The following DNAH8 variants were observed in gnomAD, a reference collection of about 807,000 sequenced individuals.
DNAH8 encodes the protein axonemal beta dynein heavy chain 8.
In DNAH8, 382 loss-of-function variants were observed where a neutral mutation model predicts 562.1. The observed-to-expected ratio is 0.68, with a 90% CI of 0.63 to 0.74. The LOEUF is 0.74. Among genes scored for constraint, DNAH8 ranks in the 30% least tolerant of loss-of-function variants. The probability of loss-of-function intolerance (pLI) is 0.00; values close to 1 mark genes in which losing one functional copy is unlikely to be tolerated. For synonymous variants in DNAH8, 1,881 were observed against 1,919.4 expected, an observed-to-expected ratio of 0.98 and a Z score of 0.52; for missense variants, 5,203 against 5,620.4, an observed-to-expected ratio of 0.93 and a Z score of 2.37.
intron 89 of DNAH8, among the ~76,000 whole-genome samples, chr6:39,010,380 G>A (rs1245034060): frequency 6.6e-6 from 1 of 152,042 alleles, no homozygotes; most frequent in Non-Finnish European, 1.5e-5. Context: ...ATACTACCTG[G>A]TCCCAGAAAC....
chr6:38,738,027 C>T (rs1430646096), intron 7 of DNAH8, 55 bp downstream of exon 7: 8 of 1,547,404 alleles, frequency 5.2e-6, no homozygotes, highest in Non-Finnish European at 6.2e-6. Flanking sequence ...TGCATCCTAG[C>T]CATTGTATTT....
intron 54 of DNAH8, 100 bp from the exon 55 acceptor site, chr6:38,883,222 T>G: frequency 7.2e-7 from 1 of 1,383,274 alleles, no homozygotes; most frequent in South Asian, 1.6e-5. Flanking sequence ...TATTAAAAAT[T>G]AGTTGTATTA....
At chr6:38,976,135 G>C (rs563351246) in intron 85 of DNAH8, among the ~76,000 whole-genome samples, 331 of 152,318 alleles carry the variant, frequency 2.2e-3, no homozygotes, top group Non-Finnish European at 3.7e-3. Context: ...AAATAATAGA[G>C]GGCTAGAAAT....
In DNAH8 at chr6:38,723,025, T is replaced by A; in HGVS notation, c.216T>A (p.Val72=). Residue 72 remains valine, a synonymous_variant, in exon 2 of 93, where the codon GTT becomes GTA. Coordinates refer to ENST00000327475, the MANE Select transcript of DNAH8 (RefSeq NM_001206927.2). ...TCATTCCTTCTGAAGAAGGGATAGT[T>A]CTTCCAGATGATCATGAAGCGGATC... ...RDLIPSEEGI[V]LPDDHEADLN... 1.9e-6 allele frequency: 3 copies of A among 1,612,914 alleles called. No individual in the cohort carries two copies. Among genetic ancestry groups the A allele is most frequent in the Non-Finnish European group, 2.5e-6 (3 of 1,179,896 alleles).
chr6:38,991,777 C>T (rs138383440), intron 88 of DNAH8, among the ~76,000 whole-genome samples: 7 of 152,292 alleles, frequency 4.6e-5, no homozygotes, highest in Admixed American at 2.0e-4. Flanking sequence ...TCCCTGGAAC[C>T]TCCCTCCTCC....
intron 24 of DNAH8, among the ~76,000 whole-genome samples, chr6:38,809,769 A>G (rs1771629160): frequency 6.6e-6 from 1 of 152,156 alleles, no homozygotes; most frequent in Admixed American, 6.5e-5. Context: ...TTGTGGATTT[A>G]TTAAACTTTC....
chr6:38,719,243 T>C (rs1762565154), intron 1 of DNAH8, among the ~76,000 whole-genome samples: 1 of 152,204 alleles, frequency 6.6e-6, no homozygotes, highest in Non-Finnish European at 1.5e-5. Context: ...TTCTGACTTT[T>C]ATTTTGGATT....
At chr6:38,914,923 G>A (rs1490973070) in intron 67 of DNAH8, among the ~76,000 whole-genome samples, 1 of 151,914 alleles carries the variant, frequency 6.6e-6, no homozygotes, top group Non-Finnish European at 1.5e-5. Context: ...TAATTTTCTA[G>A]AAATTTGTAG....
chr6:38,860,177 A>G (rs1205413450), intron 42 of DNAH8, among the ~76,000 whole-genome samples: 1 of 151,992 alleles, frequency 6.6e-6, no homozygotes, highest in Non-Finnish European at 1.5e-5. Flanking sequence ...CCTGCTCCAT[A>G]TATTCATGAG....
chr6:38,945,744 G>C (rs1761354498), intron 80 of DNAH8, among the ~76,000 whole-genome samples, 156 bp downstream of exon 80: 1 of 152,180 alleles, frequency 6.6e-6, no homozygotes, highest in African/African-American at 2.4e-5. Flanking sequence ...GAGAGATCTT[G>C]GACAGATGGA....
At chr6:38,932,525 A>G (rs1157374236) in intron 76 of DNAH8, among the ~76,000 whole-genome samples, 3 of 152,236 alleles carry the variant, frequency 2.0e-5, no homozygotes, top group African/African-American at 7.2e-5. Context: ...AGACTGATAC[A>G]AGATTAAACT....
rs989585491 is a variant in DNAH8 at position 38,790,802 on chromosome 6, G to A, written c.2781+397G>A. On this transcript the variant is annotated intron_variant, in intron 20 of 92. Transcript: ENST00000327475. ...CATGCCATTGCACTCCAACCTGGGCGACAGGGCAAGACTCCGTCTAAAAAA... is the reference window on the plus strand; with the variant it reads ...CATGCCATTGCACTCCAACCTGGGCAACAGGGCAAGACTCCGTCTAAAAAA... Among the ~76,000 whole-genome samples the A allele has an allele frequency of 8.6e-5, 13 of 150,736 alleles. No individual in the cohort carries two copies. The East Asian group carries it at 9.7e-4, about 11-fold the overall frequency.
At chr6:39,003,700 G>A (rs1046961848) in intron 88 of DNAH8, among the ~76,000 whole-genome samples, 1 of 151,952 alleles carries the variant, frequency 6.6e-6, no homozygotes, top group Non-Finnish European at 1.5e-5. Context: ...AGCTACATCA[G>A]CATTTTTATT....
chr6:38,807,853 G>A, intron 24 of DNAH8, 137 bp downstream of exon 24: 1 of 411,248 alleles, frequency 2.4e-6, no homozygotes, highest in African/African-American at 2.1e-5. Flanking sequence ...AAGTATTTGT[G>A]TAATACTGCA....
intron 11 of DNAH8, 112 bp from the exon 12 acceptor site, chr6:38,770,301 A>C (rs1472265627): frequency 3.6e-6 from 2 of 562,934 alleles, no homozygotes; most frequent in Non-Finnish European, 5.9e-6. Context: ...AAAAAAAACT[A>C]TACAGATTTT....
intron 29 of DNAH8, among the ~76,000 whole-genome samples, chr6:38,826,595 A>C (rs935743990): frequency 6.6e-6 from 1 of 152,218 alleles, no homozygotes; most frequent in Non-Finnish European, 1.5e-5. Flanking sequence ...GTTGTAATAC[A>C]AAGGAATGTT....
intron 11 of DNAH8, among the ~76,000 whole-genome samples, chr6:38,769,514 A>G (rs75629124): frequency 0.021 from 3,139 of 152,316 alleles, 115 homozygotes; most frequent in African/African-American, 0.071. Flanking sequence ...AGGAATCACT[A>G]TAGGAGAGCT....
In DNAH8 at chr6:38,823,682, C is replaced by T; in HGVS notation, c.3841C>T (p.His1281Tyr). The T allele has an allele frequency of 1.3e-6, 2 of 1,591,372 alleles. No homozygotes were observed. The highest frequency in any genetic ancestry group is 1.7e-6 in the Non-Finnish European group (2 of 1,164,686). The change falls in exon 28 of 93, where the codon CAT (histidine) becomes TAT (tyrosine). Residue 1281 changes from histidine (H) to tyrosine (Y), a missense_variant. This residue lies in a region of DNAH8 where 2,176 missense variants were observed against 2,365.1 expected (regional missense o/e 0.92). Coordinates refer to ENST00000327475, the MANE Select transcript of DNAH8 (RefSeq NM_001206927.2). ...PIIVVGALEL[H>Y]TEPMKLALSI... The stretch of plus-strand genomic sequence containing the variant: ...TATTGTTGTAGGAGCACTTGAATTA[C>T]ATACAGGTATTTTAAAAATGTTTAT...
In DNAH8 at chr6:38,773,655, T is replaced by C. The variant is rs141251002; in HGVS notation, c.1765-2099T>C. The stretch of plus-strand genomic sequence containing the variant: ...GACCGGCATCTTTCCCATTGGATAA[T>C]TGGTGGATATTGGTGTCCAGACTCT... On this transcript the variant is annotated intron_variant, in intron 12 of 92. Transcript: ENST00000327475. Among the ~76,000 whole-genome samples, 304 of 152,270 alleles carry C rather than the reference T, an allele frequency of 2.0e-3. 1 individual carries two copies. Among genetic ancestry groups the C allele is most frequent in the African/African-American group, 6.9e-3 (285 of 41,542 alleles).
Sources: gnomAD v4.1 joint callset for allele counts (sites outside exome capture counted in the v4.1 genomes callset) on GRCh38, gnomAD v4.1.1 for gene constraint, gnomAD v4.1.1 regional missense constraint, MANE v1.5 for transcripts, NCBI Gene and HGNC (gene_info 2026-07-23, HGNC 2026-07-21) for gene names.